VRK3: variants seen among roughly 807,000 people sequenced by gnomAD.
VRK3 encodes VRK serine/threonine kinase 3, also known as serine/threonine-protein kinase VRK3.
A neutral mutation model predicts 60.4 loss-of-function variants in VRK3; 50 were observed. That is an observed-to-expected ratio of 0.83 (90% CI 0.66 to 1.05). The LOEUF (loss-of-function observed/expected upper bound fraction) is 1.05. Among genes scored for constraint, VRK3 ranks in the 50% least tolerant of loss-of-function variants. The pLI is 0.00. For synonymous variants in VRK3, 246 were observed against 227.8 expected (o/e 1.08, Z -0.72); for missense variants, 549 against 585.3 (o/e 0.94, Z 0.64).
chr19:49,977,618 CCAG>C (rs2076352775), intron 14 of VRK3, among the ~76,000 whole-genome samples: 1 of 152,084 alleles, frequency 6.6e-6, no homozygotes, highest in South Asian at 2.1e-4. Context: ...GAGCTGGCTG[CCAG>C]CAGAAGACTG....
At chr19:50,025,230 C>CG (rs1184666350) in intron 1 of VRK3, 37 bp downstream of exon 1, 1 of 152,280 alleles carries the variant, frequency 6.6e-6, no homozygotes, top group African/African-American at 2.4e-5. Flanking sequence ...GCTAGGGGGT[C>CG]GGGGGACGTC....
chr19:50,022,871 T>C (rs1010469829), intron 1 of VRK3, among the ~76,000 whole-genome samples: 1 of 152,168 alleles, frequency 6.6e-6, no homozygotes, highest in Non-Finnish European at 1.5e-5. Flanking sequence ...GTGGATTTCA[T>C]TTTAGACAGA....
chr19:49,996,120 C>A (rs1478738347), intron 7 of VRK3, among the ~76,000 whole-genome samples: 1 of 152,120 alleles, frequency 6.6e-6, no homozygotes, highest in Non-Finnish European at 1.5e-5. Context: ...TGGAGTTTCA[C>A]CATGTTGGCC....
chr19:50,006,639 T>A (rs2076896658), intron 5 of VRK3, among the ~76,000 whole-genome samples: 1 of 152,100 alleles, frequency 6.6e-6, no homozygotes, highest in Non-Finnish European at 1.5e-5. Flanking sequence ...CCTCCCAAAG[T>A]GCTGGGATTA....
intron 9 of VRK3, among the ~76,000 whole-genome samples, chr19:49,993,409 T>C (rs1379973043): frequency 1.3e-5 from 2 of 152,224 alleles, no homozygotes; most frequent in East Asian, 1.9e-4. Flanking sequence ...TGTATATATA[T>C]ATTTTTGAGA....
At position 49,988,834 on chromosome 19, in the gene VRK3, G is replaced by A. The variant is rs115789480; in HGVS notation, c.1097-342C>T. On this transcript the variant is annotated intron_variant, in intron 11 of 14. Coordinates refer to ENST00000316763, the MANE Select transcript of VRK3 (RefSeq NM_016440.4). ...CCAGGATCTCGTCGGGTCCCAGCCC[G>A]TGACAGCCTAGTGGGGAGACAGCTA... 8.1e-3 allele frequency among the ~76,000 whole-genome samples: 1,230 copies of A among 152,260 alleles called. 15 individuals carry two copies. Among genetic ancestry groups the A allele is most frequent in the African/African-American group, 0.028 (1,169 of 41,544 alleles).
At chr19:49,980,775 T>TTG (rs59712866) in intron 13 of VRK3, among the ~76,000 whole-genome samples, 180 bp downstream of exon 13, 8,069 of 152,204 alleles carry the variant, frequency 0.053, 702 homozygotes, top group African/African-American at 0.18. Flanking sequence ...TTGTTTTGTT[T>TTG]TTCAGAGGCA....
intron 3 of VRK3, among the ~76,000 whole-genome samples, chr19:50,014,840 T>C (rs2077048944): frequency 6.6e-6 from 1 of 152,098 alleles, no homozygotes; most frequent in Admixed American, 6.5e-5. Context: ...TCTGACTGTA[T>C]TCACAGGATC....
intron 3 of VRK3, among the ~76,000 whole-genome samples, chr19:50,012,022 A>G (rs2122521517): frequency 6.9e-6 from 1 of 145,372 alleles, no homozygotes; most frequent in South Asian, 2.2e-4. Context: ...CCCAGGCTGG[A>G]GTGCAATGGC....
At chr19:49,986,021 C>T (rs2076509458) in intron 12 of VRK3, among the ~76,000 whole-genome samples, 1 of 152,184 alleles carries the variant, frequency 6.6e-6, no homozygotes, top group Non-Finnish European at 1.5e-5. Flanking sequence ...AGGGGCAGTG[C>T]CTGGCACAGA....
At chr19:50,002,103 A>T (rs1434103577) in intron 5 of VRK3, among the ~76,000 whole-genome samples, 1 of 152,082 alleles carries the variant, frequency 6.6e-6, no homozygotes, top group Non-Finnish European at 1.5e-5. Context: ...CTAATCCCAA[A>T]GCCCATGAGT....
At chr19:49,997,310 G>A (rs777206443) in intron 7 of VRK3, 194 bp downstream of exon 7, 35 of 530,330 alleles carry the variant, frequency 6.6e-5, no homozygotes, top group African/African-American at 4.9e-4. Flanking sequence ...GCTTCCAAGA[G>A]CTGGTGTGAG....
intron 2 of VRK3, among the ~76,000 whole-genome samples, chr19:50,019,831 C>T (rs949358871): frequency 4.0e-5 from 6 of 151,496 alleles, no homozygotes; most frequent in Non-Finnish European, 7.4e-5. Flanking sequence ...GGCCACCATG[C>T]CTGGTCTAGA....
At chr19:49,987,843 C>G (rs1161642963) in intron 12 of VRK3, 1 of 152,438 alleles carries the variant, frequency 6.6e-6, no homozygotes, top group Non-Finnish European at 1.5e-5. Flanking sequence ...GCTGGGACTA[C>G]AGGCGCCCGC....
chr19:50,019,366 C>CCTTTTTTTTTTT, intron 2 of VRK3: 1 of 148,732 alleles, frequency 6.7e-6, no homozygotes, highest in South Asian at 2.1e-4. Context: ...CCATGCCTGG[C>CCTTTTTTTTTTT]TAATTAAAAA....
chr19:49,979,034 C>T lies in VRK3; in HGVS notation c.*11+49G>A, dbSNP rs1032889419. On this transcript the variant is annotated intron_variant, in intron 14 of 14. Coordinates refer to ENST00000316763, the MANE Select transcript of VRK3 (RefSeq NM_016440.4). ...GTCTCCTGGAGCCTGGGGCAGGGCTCGGGTGAGGGCAAGGGGTGAGAGGCT... is the reference window on the plus strand; with the variant it reads ...GTCTCCTGGAGCCTGGGGCAGGGCTTGGGTGAGGGCAAGGGGTGAGAGGCT... 2.7e-5 allele frequency: 42 copies of T among 1,532,934 alleles called. No homozygotes were observed. The African/African-American group carries it at 2.9e-4, about 11-fold the overall frequency. The allele number at this position is 1,532,934 out of a possible 1,614,324, so 95.0% of individuals were successfully genotyped here.
chr19:50,013,331 C>G (rs1038641697), intron 3 of VRK3, among the ~76,000 whole-genome samples: 1 of 152,224 alleles, frequency 6.6e-6, no homozygotes, highest in Non-Finnish European at 1.5e-5. Context: ...AGTGCAAAGA[C>G]AGAGGAGCCT....
intron 3 of VRK3, among the ~76,000 whole-genome samples, chr19:50,013,833 G>T (rs1327023062): frequency 6.6e-6 from 1 of 152,218 alleles, no homozygotes; most frequent in Admixed American, 6.5e-5. Context: ...GCAAAATAAT[G>T]TATTTAATAG....
At chr19:50,005,889 G>C (rs541587042) in intron 5 of VRK3, among the ~76,000 whole-genome samples, 3 of 149,740 alleles carry the variant, frequency 2.0e-5, no homozygotes, top group African/African-American at 7.7e-5. Context: ...TGATGGCTCA[G>C]AACTACTGGG....
Sources: allele counts gnomAD v4.1 joint callset (sites outside exome capture counted in the v4.1 genomes callset), GRCh38; gene constraint gnomAD v4.1.1; transcripts MANE v1.5; gene names NCBI Gene and HGNC (gene_info 2026-07-23, HGNC 2026-07-21).